Variants in IMPG1 observed in about 807,000 individuals in gnomAD.
IMPG1 encodes the protein interphotoreceptor matrix proteoglycan of 150 kDa.
In IMPG1, 85 loss-of-function variants were observed where a neutral mutation model predicts 92.0. The ratio of observed to expected loss-of-function variants is 0.92; its 90% confidence interval spans 0.78 to 1.11. The LOEUF (loss-of-function observed/expected upper bound fraction) is 1.11, where lower values mean the gene tolerates loss of function less well. Among genes scored for constraint, IMPG1 ranks in the 50% least tolerant of loss-of-function variants. The pLI is 0.00. For missense variants in IMPG1, 1,022 were observed against 956.0 expected (o/e 1.07, Z -0.91); for synonymous variants, 367 against 334.1 (o/e 1.10, Z -1.08).
chr6:75,943,906 T>C (rs1781877436), intron 14 of IMPG1, among the ~76,000 whole-genome samples: 1 of 152,256 alleles, frequency 6.6e-6, no homozygotes, highest in Non-Finnish European at 1.5e-5. Flanking sequence ...AAACTTGTCC[T>C]TAAAAAGTCT....
chr6:75,938,810 T>TCAAAACAAAACAAAA lies in IMPG1; in HGVS notation c.2045-7674_2045-7660dup, dbSNP rs71002780. Among the ~76,000 whole-genome samples the TCAAAACAAAACAAAA allele has an allele frequency of 9.2e-3, 1,356 of 147,090 alleles. 8 individuals carry two copies. The highest frequency in any genetic ancestry group is 0.021 in the East Asian group (105 of 5,012). On this transcript the variant is annotated intron_variant, in intron 14 of 16. Transcript: ENST00000369950. ...CCTGGACGACAAGCCAGGCTCCATC[T>TCAAAACAAAACAAAA]CAAAACAAAACAAAACAAAACAAAA...
intron 12 of IMPG1, among the ~76,000 whole-genome samples, chr6:75,956,783 G>A (rs797001210): frequency 6.6e-5 from 10 of 151,724 alleles, no homozygotes; most frequent in African/African-American, 2.4e-4. Context: ...AGAGATTCTG[G>A]TACATTGTGT....
chr6:76,005,396 C>T lies in IMPG1; in HGVS notation c.1026G>A (p.Glu342=), dbSNP rs1582098698. 1.2e-6 allele frequency: 2 copies of T among 1,614,014 alleles called. No individual in the cohort carries two copies. The highest frequency in any genetic ancestry group is 1.7e-6 in the Non-Finnish European group (2 of 1,179,956). ...TGAGATAGATTTCTGGTTGCTTGTC[C>T]TCCTCCATGGTTCCATGATAGACTT... The part of the protein sequence containing the change: ...SEEVYHGTME[E]DKQPEIYLTA... Residue 342 remains glutamate (E), a synonymous_variant, in exon 10 of 17, where the codon GAG becomes GAA. Coordinates refer to ENST00000369950, the MANE Select transcript of IMPG1 (RefSeq NM_001563.4).
intron 12 of IMPG1, among the ~76,000 whole-genome samples, chr6:75,985,763 T>C (rs538288406): frequency 1.5e-4 from 23 of 152,230 alleles, no homozygotes; most frequent in Non-Finnish European, 2.8e-4. Flanking sequence ...CGGTTTGTGC[T>C]GAGCCATACT....
At chr6:75,943,014 A>G (rs1781860031) in intron 14 of IMPG1, among the ~76,000 whole-genome samples, 1 of 152,214 alleles carries the variant, frequency 6.6e-6, no homozygotes, top group Non-Finnish European at 1.5e-5. Flanking sequence ...TAAGAAGTTA[A>G]TTAACTCTAT....
chr6:75,935,821 C>A (rs1411938345), intron 14 of IMPG1, among the ~76,000 whole-genome samples: 2 of 152,176 alleles, frequency 1.3e-5, no homozygotes, highest in Non-Finnish European at 2.9e-5. Flanking sequence ...TTTTAATATT[C>A]TTTACTAATA....
At chr6:75,943,163 G>A (rs927364774) in intron 14 of IMPG1, among the ~76,000 whole-genome samples, 1 of 152,152 alleles carries the variant, frequency 6.6e-6, no homozygotes, top group Non-Finnish European at 1.5e-5. Context: ...ACTACCACGT[G>A]CTTTGGGGTC....
chr6:75,975,063 G>T (rs1482239922), intron 12 of IMPG1, among the ~76,000 whole-genome samples: 1 of 152,230 alleles, frequency 6.6e-6, no homozygotes, highest in African/African-American at 2.4e-5. Context: ...TGTTGACTTG[G>T]ATGTGCCTGT....
intron 14 of IMPG1, among the ~76,000 whole-genome samples, chr6:75,933,580 G>A (rs1316988529): frequency 6.6e-6 from 1 of 152,204 alleles, no homozygotes; most frequent in East Asian, 1.9e-4. Context: ...GCTGAACAGT[G>A]TCAGTGGCTG....
intron 8 of IMPG1, 95 bp downstream of exon 8, chr6:76,011,071 G>C: frequency 1.5e-6 from 1 of 672,340 alleles, no homozygotes; most frequent in East Asian, 2.7e-5. Context: ...AACAACTGGG[G>C]AAAAAGGACC....
rs752196472 is a variant in IMPG1, at chr6:76,042,049, C to T, written c.145G>A (p.Glu49Lys). Residue 49 changes from glutamate to lysine, a missense_variant, in exon 2 of 17, where the codon GAA becomes AAA. Around this residue, in one of 3 missense-constraint regions of IMPG1, gnomAD observed 681 missense variants for 583.6 expected, o/e 1.17. Transcript: ENST00000369950. ...ATAGTTGACATTTTGTACATTTTTT[C>T]AGTACTTTCAGTTGTTTCATTTCTT... is the stretch of plus-strand genomic sequence containing the variant. ...PPRNETTEST[E>K]KMYKMSTMRR... is the part of the protein sequence containing the mutation. The T allele has an allele frequency of 8.7e-6, 14 of 1,611,898 alleles. No individual in the cohort carries two copies. The highest frequency in any genetic ancestry group is 1.2e-5 in the Non-Finnish European group (14 of 1,178,168).
At chr6:75,974,361 T>TTC (rs796445096) in intron 12 of IMPG1, among the ~76,000 whole-genome samples, 1 of 125,522 alleles carries the variant, frequency 8.0e-6, no homozygotes, top group Non-Finnish European at 1.7e-5. Flanking sequence ...CTTTCTTTCT[T>TTC]TCTTTCTTTC....
intron 1 of IMPG1, among the ~76,000 whole-genome samples, chr6:76,050,454 G>T (rs1389624637): frequency 6.6e-6 from 1 of 151,880 alleles, no homozygotes; most frequent in Non-Finnish European, 1.5e-5. Context: ...AAAAAAATTA[G>T]GTTTGGATCA....
chr6:75,968,620 T>A (rs949545612), intron 12 of IMPG1, among the ~76,000 whole-genome samples: 3 of 152,128 alleles, frequency 2.0e-5, no homozygotes, highest in Non-Finnish European at 4.4e-5. Flanking sequence ...TATTTTTCAC[T>A]TTTAGGGAAA....
At chr6:75,924,720 A>T (rs368806954) in intron 15 of IMPG1, among the ~76,000 whole-genome samples, 1 of 2,498 alleles carries the variant, frequency 4.0e-4, no homozygotes, top group South Asian at 0.017. Flanking sequence ...TATAATATAT[A>T]ATATAATTAT....
intron 15 of IMPG1, among the ~76,000 whole-genome samples, chr6:75,925,155 G>T (rs1455251347): frequency 2.0e-5 from 3 of 151,864 alleles, no homozygotes; most frequent in Non-Finnish European, 4.4e-5. Context: ...TTGAGATGAT[G>T]GGAATGCTAA....
chr6:75,928,919 T>C (rs563577995), intron 15 of IMPG1, among the ~76,000 whole-genome samples: 93 of 152,348 alleles, frequency 6.1e-4, no homozygotes, highest in African/African-American at 2.2e-3. Context: ...TTTAATGATA[T>C]GTTATTTTTC....
At chr6:76,054,369 C>G (rs1784086798) in intron 1 of IMPG1, among the ~76,000 whole-genome samples, 1 of 151,862 alleles carries the variant, frequency 6.6e-6, no homozygotes. Context: ...ATTTAAATTT[C>G]AGATAAATTT....
At chr6:75,934,819 T>C (rs2149451640) in intron 14 of IMPG1, 2 of 382,430 alleles carry the variant, frequency 5.2e-6, no homozygotes, top group Admixed American at 2.7e-5. Context: ...CCCTCAACCT[T>C]GTCCTGCTCT....
Sources: gnomAD v4.1 joint callset for allele counts (sites outside exome capture counted in the v4.1 genomes callset) on GRCh38, gnomAD v4.1.1 for gene constraint, gnomAD v4.1.1 regional missense constraint, MANE v1.5 for transcripts, NCBI Gene and HGNC (gene_info 2026-07-23, HGNC 2026-07-21) for gene names.